PLCZ1: variants seen among roughly 807,000 people sequenced by gnomAD.
The protein encoded by PLCZ1 is phospholipase C zeta 1.
Under a neutral mutation model 76.8 loss-of-function variants are expected in PLCZ1, and 64 were observed. That is an observed-to-expected ratio of 0.83 (90% CI 0.68 to 1.03). PLCZ1 has a LOEUF of 1.03. PLCZ1 is among the 50% of genes least tolerant of loss of function. The probability of loss-of-function intolerance (pLI) is 0.00; values close to 1 mark genes in which losing one functional copy is unlikely to be tolerated. For missense variants in PLCZ1, 751 were observed against 713.7 expected, an observed-to-expected ratio of 1.05 and a Z score of -0.60; for synonymous variants, 248 against 230.8, an observed-to-expected ratio of 1.07 and a Z score of -0.68.
In PLCZ1 at chr12:18,693,344, G is replaced by A. The variant is rs1278044652; in HGVS notation, c.1461+1566C>T. On this transcript the variant is annotated intron_variant, in intron 12 of 14. Coordinates refer to ENST00000266505, the MANE Select transcript of PLCZ1 (RefSeq NM_033123.4). ...AAGAGACCTATGCAGATACTGGGGGGTTGGACAACCAAATTCGGGAAATTA... is the reference window on the plus strand; with the variant it reads ...AAGAGACCTATGCAGATACTGGGGGATTGGACAACCAAATTCGGGAAATTA... 6.3e-6 allele frequency: 10 copies of A among 1,581,068 alleles called. No individual in the cohort carries two copies. The South Asian group carries it at 1.1e-4, about 17-fold the overall frequency.
intron 5 of PLCZ1, among the ~76,000 whole-genome samples, chr12:18,715,097 C>T (rs530676636): frequency 2.2e-4 from 31 of 144,158 alleles, no homozygotes; most frequent in Admixed American, 1.4e-3. Context: ...TAGCTGAGAA[C>T]AGATAAAACA....
At chr12:18,648,475 T>C in the PLCZ1 span, 3 of 183,570 alleles carry the variant, frequency 1.6e-5, no homozygotes, top group African/African-American at 2.3e-5. Context: ...TTATACCTAC[T>C]CATAATCTTA....
chr12:18,696,017 A>T, intron 11 of PLCZ1, 133 bp downstream of exon 11: 1 of 563,444 alleles, frequency 1.8e-6, no homozygotes. Context: ...ACCCACCATT[A>T]GTGCCTGACC....
intron 6 of PLCZ1, among the ~76,000 whole-genome samples, chr12:18,709,999 A>G (rs896796829): frequency 2.6e-5 from 4 of 151,680 alleles, no homozygotes; most frequent in Non-Finnish European, 5.9e-5. Context: ...AAATATGTCG[A>G]TTTTGTGTTC....
chr12:18,725,802 C>T (rs1042255391), intron 3 of PLCZ1, among the ~76,000 whole-genome samples: 40 of 151,878 alleles, frequency 2.6e-4, no homozygotes, highest in African/African-American at 8.5e-4. Flanking sequence ...TTTTTCTTTC[C>T]GGAATATCCT....
chr12:18,709,153 A>G (rs1054446102), intron 6 of PLCZ1, among the ~76,000 whole-genome samples: 23 of 152,182 alleles, frequency 1.5e-4, no homozygotes, highest in African/African-American at 5.3e-4. Flanking sequence ...TTCTAATATT[A>G]TATGTAAGTT....
At chr12:18,670,294 GCA>G in the PLCZ1 span, among the ~76,000 whole-genome samples, 865 of 150,108 alleles carry the variant, frequency 5.8e-3, 4 homozygotes, top group African/African-American at 0.019. Flanking sequence ...ACACATATGC[GCA>G]CACACACACA....
At chr12:18,668,023 C>G in the PLCZ1 span, among the ~76,000 whole-genome samples, 3 of 152,152 alleles carry the variant, frequency 2.0e-5, no homozygotes, top group Non-Finnish European at 2.9e-5. Context: ...CTTTAGGACA[C>G]TACCTAATAT....
the PLCZ1 span, among the ~76,000 whole-genome samples, chr12:18,653,877 A>T: frequency 6.6e-6 from 1 of 152,086 alleles, no homozygotes; most frequent in Non-Finnish European, 1.5e-5. Flanking sequence ...GAAATAAGTG[A>T]CTGAGATTAT....
intron 3 of PLCZ1, among the ~76,000 whole-genome samples, chr12:18,731,621 G>A (rs2150756063): frequency 6.7e-6 from 1 of 150,288 alleles, no homozygotes; most frequent in East Asian, 2.0e-4. Flanking sequence ...TAGCTTGCAG[G>A]GAGGGTAAAA....
rs765289702 is a variant in PLCZ1, at chr12:18,736,202, G to T, written c.135+19C>A. ...GTTCCACCTAGGATAGGATAGGCAG[G>T]GGGTGGATGTCATCTTACCTTAAAA... On this transcript the variant is annotated intron_variant, in intron 3 of 14. Transcript: ENST00000266505. 2 of 1,610,328 alleles carry T rather than the reference G, an allele frequency of 1.2e-6. No homozygotes were observed. Among genetic ancestry groups the T allele is most frequent in the South Asian group, 2.2e-5 (2 of 90,926 alleles).
At chr12:18,713,063 A>G in intron 5 of PLCZ1, 77 bp from the exon 6 acceptor site, 1 of 1,554,916 alleles carries the variant, frequency 6.4e-7, no homozygotes, top group African/African-American at 1.4e-5. Context: ...AATATTCCAA[A>G]GACCATTTGA....
At chr12:18,692,226 G>C (rs530486161) in intron 12 of PLCZ1, among the ~76,000 whole-genome samples, 17 of 152,102 alleles carry the variant, frequency 1.1e-4, no homozygotes, top group Admixed American at 2.0e-4. Flanking sequence ...GGTAGGATCT[G>C]AGATGGTTTA....
At chr12:18,665,020 G>C in the PLCZ1 span, among the ~76,000 whole-genome samples, 3 of 104,294 alleles carry the variant, frequency 2.9e-5, no homozygotes, top group Non-Finnish European at 5.5e-5. Context: ...GGTGGGGGGA[G>C]GGGGGAGGGA....
intron 5 of PLCZ1, among the ~76,000 whole-genome samples, chr12:18,715,294 GAGAA>G (rs916756857): frequency 6.6e-6 from 1 of 151,392 alleles, no homozygotes; most frequent in Non-Finnish European, 1.5e-5. Context: ...AGGCTTTAGA[GAGAA>G]AGAGAATTGG....
the PLCZ1 span, among the ~76,000 whole-genome samples, chr12:18,675,639 T>C: frequency 1.3e-5 from 2 of 152,130 alleles, no homozygotes; most frequent in Non-Finnish European, 2.9e-5. Flanking sequence ...CAATGGTTGA[T>C]TGGGTAAATA....
intron 5 of PLCZ1, among the ~76,000 whole-genome samples, chr12:18,717,425 G>C (rs1043483654): frequency 6.6e-6 from 1 of 152,066 alleles, no homozygotes. Flanking sequence ...GGAATTAGAA[G>C]ATATCTTTTC....
chr12:18,731,978 C>T (rs1227405201), intron 3 of PLCZ1, among the ~76,000 whole-genome samples: 1 of 152,020 alleles, frequency 6.6e-6, no homozygotes, highest in Non-Finnish European at 1.5e-5. Context: ...TTTCAGATTA[C>T]TTATTCCTTC....
Position 18,716,691 on chromosome 12 carries a change from C to A in PLCZ1, c.569+2740G>T, listed in dbSNP as rs373260462. Among the ~76,000 whole-genome samples the A allele has an allele frequency of 2.6e-4, 39 of 152,270 alleles. No individual in the cohort carries two copies. In the East Asian group the frequency reaches 5.6e-3, roughly 22 times the overall value. ...ACAGAACTTTGTGGTATGAAATTTC[C>A]ACTCTTAACTTTATTTCATCTATTT... On this transcript the variant is annotated intron_variant, in intron 5 of 14. Coordinates refer to ENST00000266505, the MANE Select transcript of PLCZ1 (RefSeq NM_033123.4).
Sources: allele counts gnomAD v4.1 joint callset (sites outside exome capture counted in the v4.1 genomes callset), GRCh38; gene constraint gnomAD v4.1.1; transcripts MANE v1.5; gene names NCBI Gene and HGNC (gene_info 2026-07-23, HGNC 2026-07-21).